ADAMTS19: variants seen among roughly 807,000 people sequenced by gnomAD.
ADAMTS19 encodes A disintegrin and metalloproteinase with thrombospondin motifs 19.
ADAMTS19 carries 93 observed loss-of-function variants against 153.3 expected under a neutral mutation model. That is an observed-to-expected ratio of 0.61 (90% confidence interval 0.51 to 0.72). The LOEUF is 0.72. ADAMTS19 is among the 30% of genes least tolerant of loss of function. The pLI is 0.00. For synonymous variants in ADAMTS19, 600 were observed against 556.6 expected (o/e 1.08, Z -1.10); for missense variants, 1,482 against 1,552.1 (o/e 0.95, Z 0.76).
chr5:129,573,621 G>C (rs915778974), intron 7 of ADAMTS19, among the ~76,000 whole-genome samples: 1 of 152,058 alleles, frequency 6.6e-6, no homozygotes, highest in Non-Finnish European at 1.5e-5. Flanking sequence ...GAAAAGCAAA[G>C]CTGAATGTAA....
intron 10 of ADAMTS19, among the ~76,000 whole-genome samples, chr5:129,635,170 T>C (rs1010989213): frequency 6.6e-6 from 1 of 152,156 alleles, no homozygotes; most frequent in Non-Finnish European, 1.5e-5. Flanking sequence ...TGAACATCGC[T>C]GATCACTAGA....
At chr5:129,720,437 C>T (rs186388580) in intron 21 of ADAMTS19, among the ~76,000 whole-genome samples, 93 of 152,032 alleles carry the variant, frequency 6.1e-4, no homozygotes, top group Middle Eastern at 6.8e-3. Flanking sequence ...GCTGGAATTA[C>T]AGTTATGAGC....
At chr5:129,582,868 G>A (rs890852360) in intron 7 of ADAMTS19, among the ~76,000 whole-genome samples, 2 of 151,672 alleles carry the variant, frequency 1.3e-5, no homozygotes, top group East Asian at 3.9e-4. Flanking sequence ...CACCATGCCC[G>A]GCCCAGTCTG....
intron 21 of ADAMTS19, among the ~76,000 whole-genome samples, chr5:129,714,144 G>A (rs1411144911): frequency 2.6e-5 from 4 of 152,160 alleles, no homozygotes; most frequent in African/African-American, 9.7e-5. Context: ...ATCTGGCCGG[G>A]CGCGGTGGCT....
At chr5:129,551,735 GTT>G in intron 6 of ADAMTS19, 127 bp from the exon 7 acceptor site, 1 of 580,044 alleles carries the variant, frequency 1.7e-6, no homozygotes, top group South Asian at 2.3e-5. Flanking sequence ...CTTATTCACA[GTT>G]TTATTAGATT....
chr5:129,602,707 ATTTT>A (rs1750718998), intron 8 of ADAMTS19, among the ~76,000 whole-genome samples: 1 of 151,976 alleles, frequency 6.6e-6, no homozygotes, highest in African/African-American at 2.4e-5. Flanking sequence ...TAACTTGTAG[ATTTT>A]TTTAATTGTC....
intron 2 of ADAMTS19, among the ~76,000 whole-genome samples, chr5:129,472,397 C>T (rs1750096967): frequency 2.0e-5 from 3 of 152,068 alleles, no homozygotes; most frequent in South Asian, 2.1e-4. Flanking sequence ...AATTTTAATC[C>T]GTATATACTC....
At chr5:129,701,116 C>G (rs1755823207) in intron 19 of ADAMTS19, among the ~76,000 whole-genome samples, 1 of 150,904 alleles carries the variant, frequency 6.6e-6, no homozygotes, top group African/African-American at 2.4e-5. Flanking sequence ...GTGAATAACT[C>G]TCATGAGATC....
intron 7 of ADAMTS19, among the ~76,000 whole-genome samples, chr5:129,582,117 A>T (rs1749545016): frequency 6.8e-6 from 1 of 148,108 alleles, no homozygotes; most frequent in South Asian, 2.2e-4. Context: ...TGTTAGTTCC[A>T]CTTGGTCCAG....
rs530676772 is a variant in ADAMTS19 at position 129,561,059 on chromosome 5, ATTTAT to A, written c.1372+9155_1372+9159del. Among the ~76,000 whole-genome samples, 19 of 152,306 alleles carry A rather than the reference ATTTAT, an allele frequency of 1.2e-4. No individual in the cohort carries two copies. The South Asian group carries it at 3.9e-3, about 32-fold the overall frequency. On this transcript the variant is annotated intron_variant, in intron 7 of 22. Coordinates refer to ENST00000274487, the MANE Select transcript of ADAMTS19 (RefSeq NM_133638.6). ...ATAGATAAATTCTAAAAACATTTTG[ATTTAT>A]TTAAAATTAATAAAACATCAAATGT...
At chr5:129,670,998 C>A (rs1754277600) in intron 16 of ADAMTS19, among the ~76,000 whole-genome samples, 1 of 152,146 alleles carries the variant, frequency 6.6e-6, no homozygotes. Flanking sequence ...AAAGAAACAC[C>A]ATCTATGCCC....
At position 129,623,568 on chromosome 5, in the gene ADAMTS19, A is replaced by G. The variant is rs144971284; in HGVS notation, c.1770+1220A>G. Among the ~76,000 whole-genome samples, 934 of 152,302 alleles carry G rather than the reference A, an allele frequency of 6.1e-3. 13 individuals are homozygous for G. Among genetic ancestry groups the G allele is most frequent in the African/African-American group, 0.021 (891 of 41,562 alleles). On this transcript the variant is annotated intron_variant, in intron 10 of 22. Coordinates refer to ENST00000274487, the MANE Select transcript of ADAMTS19 (RefSeq NM_133638.6). ...ATAATTAAGATGCTTTATAACGAAC[A>G]AAGCATATGACATTATAATTTATTG... is the stretch of plus-strand genomic sequence containing the variant.
chr5:129,727,459 GT>G (rs1315833096), intron 21 of ADAMTS19, among the ~76,000 whole-genome samples: 2 of 152,176 alleles, frequency 1.3e-5, no homozygotes, highest in Non-Finnish European at 2.9e-5. Flanking sequence ...TAATTTAACA[GT>G]AAAGTAGGAT....
At chr5:129,564,435 GA>G (rs1241404974) in intron 7 of ADAMTS19, among the ~76,000 whole-genome samples, 1 of 152,184 alleles carries the variant, frequency 6.6e-6, no homozygotes, top group Non-Finnish European at 1.5e-5. Flanking sequence ...TATATGGGAA[GA>G]AAACAAGTCC....
In ADAMTS19 at chr5:129,618,842, A is replaced by T. The variant is rs567762349; in HGVS notation, c.1479-1776A>T. On this transcript the variant is annotated intron_variant, in intron 8 of 22. Transcript: ENST00000274487. ...CTCTGCTTCTTCAGTACTAACCCTCATCCACAAAAATATTTTACTGGCCTC... is the reference window on the plus strand; with the variant it reads ...CTCTGCTTCTTCAGTACTAACCCTCTTCCACAAAAATATTTTACTGGCCTC... 3.3e-5 allele frequency among the ~76,000 whole-genome samples: 5 copies of T among 152,152 alleles called. No homozygotes were observed. In the East Asian group the frequency reaches 9.6e-4, roughly 29 times the overall value.
At chr5:129,706,055 T>C (rs1160969235) in intron 21 of ADAMTS19, among the ~76,000 whole-genome samples, 3 of 152,174 alleles carry the variant, frequency 2.0e-5, no homozygotes, top group African/African-American at 4.8e-5. Flanking sequence ...TCATTCATCA[T>C]TGAAGATATA....
At position 129,737,264 on chromosome 5, in the gene ADAMTS19, T is replaced by G; in HGVS notation, c.*46T>G. 1 of 1,478,670 alleles carries G rather than the reference T, an allele frequency of 6.8e-7. No individual in the cohort carries two copies. The highest frequency in any genetic ancestry group is 9.1e-7 in the Non-Finnish European group (1 of 1,093,026). The allele number at this position is 1,478,670 out of a possible 1,614,324, so 91.6% of individuals were successfully genotyped here. On this transcript the variant is annotated 3_prime_UTR_variant, in exon 23 of 23. Transcript: ENST00000274487. ...TCACAGCTCTTGGCAATTACATTAT[T>G]TATAAACACACACACTAGCATGTTT... is the stretch of plus-strand genomic sequence containing the variant.
At chr5:129,636,533 G>C (rs1752542694) in intron 10 of ADAMTS19, among the ~76,000 whole-genome samples, 1 of 152,040 alleles carries the variant, frequency 6.6e-6, no homozygotes, top group South Asian at 2.1e-4. Context: ...GTCCCTTGCA[G>C]CTTGCTGCTT....
intron 2 of ADAMTS19, among the ~76,000 whole-genome samples, chr5:129,472,405 C>T (rs1580982988): frequency 1.3e-5 from 2 of 152,170 alleles, no homozygotes; most frequent in East Asian, 3.9e-4. Flanking sequence ...TCCGTATATA[C>T]TCTTTTTGGA....
Sources: allele counts gnomAD v4.1 joint callset (sites outside exome capture counted in the v4.1 genomes callset), GRCh38; gene constraint gnomAD v4.1.1; transcripts MANE v1.5; gene names NCBI Gene and HGNC (gene_info 2026-07-23, HGNC 2026-07-21).